DOCK4: variants seen among roughly 807,000 people sequenced by gnomAD.
DOCK4 encodes the protein dedicator of cytokinesis 4, also known as dedicator of cytokinesis protein 4.
Under a neutral mutation model 268.1 loss-of-function variants are expected in DOCK4, and 97 were observed. The observed-to-expected ratio is 0.36, with a 90% confidence interval of 0.31 to 0.43. The LOEUF (loss-of-function observed/expected upper bound fraction) is 0.43. Among genes scored for constraint, DOCK4 ranks in the 20% least tolerant of loss-of-function variants. DOCK4 has a pLI of 1.00. For synonymous variants in DOCK4, 954 were observed against 887.2 expected (o/e 1.08, Z -1.34); for missense variants, 2,145 against 2,455.7 (o/e 0.87, Z 2.67).
At chr7:111,757,658 A>C (rs2133568008) in intron 41 of DOCK4, among the ~76,000 whole-genome samples, 1 of 152,046 alleles carries the variant, frequency 6.6e-6, no homozygotes, top group Admixed American at 6.6e-5. Context: ...AACTCTGCAA[A>C]ACCTTCCCCT....
chr7:112,175,072 C>G (rs866771638), intron 1 of DOCK4, among the ~76,000 whole-genome samples: 1 of 151,438 alleles, frequency 6.6e-6, no homozygotes. Context: ...ACCGTGTTAG[C>G]CAGGATGGTC....
At chr7:111,923,721 T>C (rs1030223298) in intron 12 of DOCK4, among the ~76,000 whole-genome samples, 3 of 152,236 alleles carry the variant, frequency 2.0e-5, no homozygotes, top group Non-Finnish European at 4.4e-5. Context: ...ACTTTATTTG[T>C]TCCTTCTGGA....
At chr7:112,043,485 C>T (rs1209657835) in intron 1 of DOCK4, among the ~76,000 whole-genome samples, 1 of 150,360 alleles carries the variant, frequency 6.7e-6, no homozygotes, top group Admixed American at 6.6e-5. Flanking sequence ...ATGTTAAAGG[C>T]AAGATTAAAT....
At chr7:112,086,361 A>C (rs1809093082) in intron 1 of DOCK4, among the ~76,000 whole-genome samples, 1 of 152,060 alleles carries the variant, frequency 6.6e-6, no homozygotes, top group Non-Finnish European at 1.5e-5. Context: ...TCTTCTCTTT[A>C]TTCTTTAGAA....
intron 8 of DOCK4, among the ~76,000 whole-genome samples, chr7:111,970,203 G>A (rs796778071): frequency 7.2e-5 from 11 of 152,234 alleles, no homozygotes; most frequent in African/African-American, 2.6e-4. Context: ...TATAGATACT[G>A]TACATGATGA....
intron 1 of DOCK4, among the ~76,000 whole-genome samples, chr7:112,182,656 A>C (rs1417178126): frequency 6.6e-6 from 1 of 152,248 alleles, no homozygotes; most frequent in African/African-American, 2.4e-5. Context: ...AGGAAACTAT[A>C]GGTCCAGAAA....
At position 111,726,321 on chromosome 7, in the gene DOCK4, C is replaced by T. The variant is rs531987665; in HGVS notation, c.*1953G>A. 1 of 152,684 alleles carries T rather than the reference C, an allele frequency of 6.5e-6. No individual in the cohort carries two copies. Among genetic ancestry groups the T allele is most frequent in the African/African-American group, 2.4e-5 (1 of 41,556 alleles). 9.5% of individuals were successfully genotyped at this position (152,684 alleles called of 1,614,324 possible). A position where few individuals can be genotyped will look rare whatever the true frequency, so the allele number is the denominator to read the frequency against. On this transcript the variant is annotated 3_prime_UTR_variant, in exon 53 of 53. Transcript: ENST00000428084. ...GCAAATAACACTGATTTATAATGTG[C>T]CCAAGCACTAGTCAACAAATCTATT...
At chr7:112,076,403 C>G (rs1437996758) in intron 1 of DOCK4, among the ~76,000 whole-genome samples, 1 of 151,924 alleles carries the variant, frequency 6.6e-6, no homozygotes, top group African/African-American at 2.4e-5. Flanking sequence ...TTTTTTGGAA[C>G]CCATTTTCAT....
intron 52 of DOCK4, among the ~76,000 whole-genome samples, chr7:111,729,143 TCA>T (rs1794886035): frequency 1.3e-5 from 2 of 152,188 alleles, no homozygotes; most frequent in South Asian, 2.1e-4. Context: ...ACGAATACAC[TCA>T]CACTCAAATT....
At chr7:112,066,686 TATAC>T (rs1563052054) in intron 1 of DOCK4, among the ~76,000 whole-genome samples, 14 of 14,802 alleles carry the variant, frequency 9.5e-4, no homozygotes, top group Admixed American at 1.6e-3. Context: ...CATATATACA[TATAC>T]ATATATATAT....
intron 31 of DOCK4, among the ~76,000 whole-genome samples, chr7:111,789,656 G>A (rs1471129997): frequency 6.6e-6 from 1 of 152,162 alleles, no homozygotes; most frequent in African/African-American, 2.4e-5. Context: ...TACCGATACA[G>A]GTGAAACACC....
intron 13 of DOCK4, among the ~76,000 whole-genome samples, chr7:111,913,774 C>T (rs905581678): frequency 1.3e-5 from 2 of 150,000 alleles, no homozygotes; most frequent in Admixed American, 1.3e-4. Context: ...CCTAGCTACT[C>T]AGGAGGCTGA....
At chr7:111,952,686 C>T (rs1363567064) in intron 8 of DOCK4, among the ~76,000 whole-genome samples, 3 of 152,182 alleles carry the variant, frequency 2.0e-5, no homozygotes, top group South Asian at 2.1e-4. Context: ...GCAAGCTAAT[C>T]AATCCACAAA....
intron 50 of DOCK4, among the ~76,000 whole-genome samples, chr7:111,736,178 G>A (rs952824202): frequency 6.6e-6 from 1 of 152,178 alleles, no homozygotes; most frequent in Non-Finnish European, 1.5e-5. Flanking sequence ...ACTTCTTAAT[G>A]AGGGCAATTA....
Position 111,783,360 on chromosome 7 carries a change from T to G in DOCK4, c.3525-436A>C, listed in dbSNP as rs920822983. 8.5e-5 allele frequency among the ~76,000 whole-genome samples: 13 copies of G among 152,218 alleles called. No individual in the cohort carries two copies. The South Asian group carries it at 2.7e-3, about 32-fold the overall frequency. On this transcript the variant is annotated intron_variant, in intron 34 of 52. Transcript: ENST00000428084. Reference sequence around the variant, plus strand: ...AAACTACCATGTATTTAAGTGGGATTAACTACTTTAACAGTTTAGATAATA... The same window carrying G: ...AAACTACCATGTATTTAAGTGGGATGAACTACTTTAACAGTTTAGATAATA...
At chr7:111,881,571 G>A (rs1007538526) in intron 16 of DOCK4, among the ~76,000 whole-genome samples, 5 of 152,088 alleles carry the variant, frequency 3.3e-5, no homozygotes, top group Admixed American at 2.6e-4. Flanking sequence ...TCCCCCTACT[G>A]GATATATATT....
chr7:112,004,255 C>T, intron 1 of DOCK4, 124 bp from the exon 2 acceptor site: 1 of 694,544 alleles, frequency 1.4e-6, no homozygotes, highest in Non-Finnish European at 2.3e-6. Flanking sequence ...AACCCTCTGT[C>T]ATATTTTAAT....
chr7:111,800,649 T>C (rs1800206869), intron 30 of DOCK4, among the ~76,000 whole-genome samples: 1 of 152,196 alleles, frequency 6.6e-6, no homozygotes, highest in South Asian at 2.1e-4. Flanking sequence ...TCTAACTCTG[T>C]ATTTTAAACT....
chr7:111,811,788 C>T (rs1049530789), intron 28 of DOCK4, 86 bp downstream of exon 28: 24 of 804,166 alleles, frequency 3.0e-5, no homozygotes, highest in East Asian at 1.1e-4. Context: ...AAAACTAATA[C>T]GGCCCAAGAA....
Sources: allele counts gnomAD v4.1 joint callset (sites outside exome capture counted in the v4.1 genomes callset), GRCh38; gene constraint gnomAD v4.1.1; transcripts MANE v1.5; gene names NCBI Gene and HGNC (gene_info 2026-07-23, HGNC 2026-07-21).